The following PANK4 variants were observed in gnomAD, a reference collection of about 807,000 sequenced individuals.
The protein encoded by PANK4 is pantothenate kinase 4 (inactive).
A neutral mutation model predicts 87.9 loss-of-function variants in PANK4; 40 were observed. The observed-to-expected ratio is 0.46, with a 90% CI of 0.35 to 0.59. The LOEUF (loss-of-function observed/expected upper bound fraction) is 0.59. Among genes scored for constraint, PANK4 ranks in the 20% least tolerant of loss-of-function variants. PANK4 has a pLI of 0.00. For synonymous variants in PANK4, 524 were observed against 467.4 expected (o/e 1.12, Z -1.56); for missense variants, 926 against 1,072.3 (o/e 0.86, Z 1.90).
At position 2,520,252 on chromosome 1, in the gene PANK4, G is replaced by A; in HGVS notation, c.699+70C>T. 2.1e-6 allele frequency: 3 copies of A among 1,431,680 alleles called. No homozygotes were observed. The highest frequency in any genetic ancestry group is 2.3e-5 in the East Asian group (1 of 43,948). 88.7% of individuals were successfully genotyped at this position (1,431,680 alleles called of 1,614,324 possible). ...GAAGCAGCTTTTGCACCGCCCAGCT[G>A]CAGGCCTTCGGGGGAAGGAAGCAGA... On this transcript the variant is annotated intron_variant, in intron 5 of 18. Transcript: ENST00000378466. The surrounding 1 kb of genome is among the most constrained non-coding windows in gnomAD (Gnocchi z 6.2).
intron 9 of PANK4, 130 bp downstream of exon 9, chr1:2,518,034 G>A (rs1265589758): frequency 3.5e-6 from 2 of 567,814 alleles, no homozygotes; most frequent in South Asian, 2.3e-5. Flanking sequence ...AGGTCCATGG[G>A]AGGATTCGCC....
chr1:2,515,785 A>C lies in PANK4; in HGVS notation c.1219-68T>G. 1 of 1,426,070 alleles carries C rather than the reference A, an allele frequency of 7.0e-7. No homozygotes were observed. Among genetic ancestry groups the C allele is most frequent in the African/African-American group, 1.4e-5 (1 of 71,282 alleles). 88.3% of individuals were successfully genotyped at this position (1,426,070 alleles called of 1,614,324 possible). Reference sequence around the variant, plus strand: ...CAGAACGACCCAAGCCACACTCAGAAGCTTCCACTCTCTCTCTAAGAAGGG... The same window carrying C: ...CAGAACGACCCAAGCCACACTCAGACGCTTCCACTCTCTCTCTAAGAAGGG... On this transcript the variant is annotated intron_variant, in intron 9 of 18. Transcript: ENST00000378466. The surrounding 1 kb of genome is among the most constrained non-coding windows in gnomAD (Gnocchi z 5.0).
Position 2,509,046 on chromosome 1 carries a change from C to G in PANK4, c.2123G>C (p.Gly708Ala). Reference protein sequence around the residue: ...PCLDLSRLDKGLAALVRERGA... With the variant: ...PCLDLSRLDKALAALVRERGA... ...ACGCTCCCGCACCAGTGCGGCCAGC[C>G]CCTTATCCAGGCGGCTTTGGGGAGG... Residue 708 changes from glycine (G) to alanine (A), a missense_variant, in exon 19 of 19, where the codon GGG becomes GCG. Gly to Ala is a moderately conservative substitution (Grantham distance 60). Transcript: ENST00000378466. This position sits in a 1 kb window ranked among gnomAD's most constrained non-coding sequence, Gnocchi z 4.9. The G allele has an allele frequency of 6.3e-7, 1 of 1,598,832 alleles. No individual in the cohort carries two copies. The highest frequency in any genetic ancestry group is 8.5e-7 in the Non-Finnish European group (1 of 1,178,794).
rs138740968 is a variant in PANK4 at position 2,512,947 on chromosome 1, C to A, written c.1668G>T (p.Ala556=). ...DALGWEERQL[A]LVKGLLAGNV... ...TCCCCGCCAGGAGGCCTTTCACCAG[C>A]GCCAGCTGCCGTTCCTCCCAGCCCA... Residue 556 remains alanine, a synonymous_variant, in exon 13 of 19, where the codon GCG becomes GCT. Coordinates refer to ENST00000378466, the MANE Select transcript of PANK4 (RefSeq NM_018216.4). The A allele has an allele frequency of 6.2e-7, 1 of 1,612,674 alleles. No homozygotes were observed. Among genetic ancestry groups the A allele is most frequent in the African/African-American group, 1.3e-5 (1 of 75,060 alleles).
intron 7 of PANK4, 108 bp from the exon 8 acceptor site, chr1:2,518,705 G>C (rs776914682): frequency 1.1e-6 from 1 of 908,840 alleles, no homozygotes; most frequent in African/African-American, 1.6e-5. Context: ...CCAAACCCTC[G>C]AAGAGGCGCC....
At position 2,508,574 on chromosome 1, in the gene PANK4, C is replaced by T; in HGVS notation, c.*273G>A. 1 of 190,014 alleles carries T rather than the reference C, an allele frequency of 5.3e-6. No homozygotes were observed. Among genetic ancestry groups the T allele is most frequent in the Non-Finnish European group, 1.0e-5 (1 of 95,860 alleles). 11.8% of individuals were successfully genotyped at this position (190,014 alleles called of 1,614,324 possible). On this transcript the variant is annotated 3_prime_UTR_variant, in exon 19 of 19. Coordinates refer to ENST00000378466, the MANE Select transcript of PANK4 (RefSeq NM_018216.4). The surrounding 1 kb of genome is among the most constrained non-coding windows in gnomAD (Gnocchi z 5.1). ...CTCTATTTGGTGCGTGCCCACGGTG[C>T]TGCGTCCCGTCAGACATACCTGTAT...
At position 2,512,943 on chromosome 1, in the gene PANK4, C is replaced by T. The variant is rs770812418; in HGVS notation, c.1672G>A (p.Val558Met). Residue 558 changes from valine (V) to methionine (M), a missense_variant, in exon 13 of 19, where the codon GTG (valine) becomes ATG (methionine). Coordinates refer to ENST00000378466, the MANE Select transcript of PANK4 (RefSeq NM_018216.4). ...ACATTCCCCGCCAGGAGGCCTTTCA[C>T]CAGCGCCAGCTGCCGTTCCTCCCAG... ...LGWEERQLAL[V>M]KGLLAGNVFD... The T allele has an allele frequency of 6.2e-7, 1 of 1,612,782 alleles. No homozygotes were observed. Among genetic ancestry groups the T allele is most frequent in the South Asian group, 1.1e-5 (1 of 91,080 alleles).
chr1:2,508,604 C>G lies in PANK4; in HGVS notation c.*243G>C. ...TCCCGTCAGACATACCTGTATAGATCTCTCTATTTATATATATATATATAT... is the reference window on the plus strand; with the variant it reads ...TCCCGTCAGACATACCTGTATAGATGTCTCTATTTATATATATATATATAT... On this transcript the variant is annotated 3_prime_UTR_variant, in exon 19 of 19. Transcript: ENST00000378466. This position sits in a 1 kb window ranked among gnomAD's most constrained non-coding sequence, Gnocchi z 5.1. 1 of 220,666 alleles carries G rather than the reference C, an allele frequency of 4.5e-6. No homozygotes were observed. Among genetic ancestry groups the G allele is most frequent in the Non-Finnish European group, 8.0e-6 (1 of 125,560 alleles). The allele number at this position is 220,666 out of a possible 1,614,324, so 13.7% of individuals were successfully genotyped here.
Position 2,508,784 on chromosome 1 carries a change from C to T in PANK4, c.*63G>A, listed in dbSNP as rs1276437532. On this transcript the variant is annotated 3_prime_UTR_variant, in exon 19 of 19. Transcript: ENST00000378466. This position sits in a 1 kb window ranked among gnomAD's most constrained non-coding sequence, Gnocchi z 5.1. ...ATACGTTGATTTGAACGCAGTTTCC[C>T]TGTGGTGGTAAAAACACATTCCTGA... 4 of 994,774 alleles carry T rather than the reference C, an allele frequency of 4.0e-6. No individual in the cohort carries two copies. Among genetic ancestry groups the T allele is most frequent in the Non-Finnish European group, 6.2e-6 (4 of 642,748 alleles). The allele number at this position is 994,774 out of a possible 1,614,324, so 61.6% of individuals were successfully genotyped here. A position where few individuals can be genotyped will look rare whatever the true frequency, so the allele number is the denominator to read the frequency against.
Position 2,510,707 on chromosome 1 carries a change from C to T in PANK4, c.1909G>A (p.Val637Ile). The T allele has an allele frequency of 6.2e-7, 1 of 1,609,080 alleles. No homozygotes were observed. The highest frequency in any genetic ancestry group is 1.7e-5 in the Admixed American group (1 of 60,004). Residue 637 changes from valine (V) to isoleucine (I), a missense_variant, in exon 16 of 19, where the codon GTC (valine) becomes ATC (isoleucine). Val to Ile is a conservative substitution (Grantham distance 29). Coordinates refer to ENST00000378466, the MANE Select transcript of PANK4 (RefSeq NM_018216.4). The surrounding 1 kb of genome is among the most constrained non-coding windows in gnomAD (Gnocchi z 4.9). ...IDIILGVFPF[V>I]RELLLRGTEV... The stretch of plus-strand genomic sequence containing the variant: ...GTCCCTCTAAGGAGTAGCTCCCTGA[C>T]AAAGGGGAAGACTCCCAAAATGATG...
intron 1 of PANK4, among the ~76,000 whole-genome samples, chr1:2,524,363 T>C (rs1403400644): frequency 1.3e-5 from 2 of 152,144 alleles, no homozygotes; most frequent in Non-Finnish European, 2.9e-5. Flanking sequence ...GCTTTGAGGG[T>C]TCCTGGGTTG....
rs1342155995 is a variant in PANK4, at chr1:2,512,938, T to G, written c.1677A>C (p.Lys559Asn). ...CGAAGACATTCCCCGCCAGGAGGCC[T>G]TTCACCAGCGCCAGCTGCCGTTCCT... is the stretch of plus-strand genomic sequence containing the variant. ...GWEERQLALVKGLLAGNVFDW... is the reference protein window; with the variant it reads ...GWEERQLALVNGLLAGNVFDW... Residue 559 changes from lysine (K) to asparagine (N), a missense_variant, in exon 13 of 19, where the codon AAA becomes AAC. By Grantham distance (94) the Lys-to-Asn change is moderately conservative. Transcript: ENST00000378466. 1 of 1,612,712 alleles carries G rather than the reference T, an allele frequency of 6.2e-7. No homozygotes were observed. Among genetic ancestry groups the G allele is most frequent in the East Asian group, 2.2e-5 (1 of 44,876 alleles).
At chr1:2,516,201 T>C (rs1643772793) in intron 9 of PANK4, among the ~76,000 whole-genome samples, 1 of 152,106 alleles carries the variant, frequency 6.6e-6, no homozygotes, top group Admixed American at 6.5e-5. Context: ...CTGTCCTCAC[T>C]AAGCACCAGG....
intron 1 of PANK4, 52 bp from the exon 2 acceptor site, chr1:2,521,852 C>T (rs750215962): frequency 3.5e-6 from 5 of 1,421,898 alleles, no homozygotes; most frequent in Admixed American, 1.7e-5. Flanking sequence ...CACAGCGGGG[C>T]CTGGGGGTCC....
Position 2,514,011 on chromosome 1 carries a change from G to A in PANK4, c.1566C>T (p.Pro522=). 2 of 1,611,268 alleles carry A rather than the reference G, an allele frequency of 1.2e-6. No homozygotes were observed. The highest frequency in any genetic ancestry group is 1.1e-5 in the South Asian group (1 of 91,050). ...HCLNEFNFPD[P]YSKVKQRENG... is the part of the protein sequence containing the mutation. ...GGCACACTGCACTTACTTTGGAGTA[G>A]GGATCCGGGAAGTTGAACTCGTTCA... Residue 522 remains proline (P), a synonymous_variant, in exon 12 of 19, where the codon CCC becomes CCT. Coordinates refer to ENST00000378466, the MANE Select transcript of PANK4 (RefSeq NM_018216.4).
In PANK4 at chr1:2,515,664, G is replaced by A. The variant is rs951038391; in HGVS notation, c.1272C>T (p.Leu424=). Residue 424 remains leucine (L), a synonymous_variant, in exon 10 of 19, where the codon CTC becomes CTT. Coordinates refer to ENST00000378466, the MANE Select transcript of PANK4 (RefSeq NM_018216.4). This position sits in a 1 kb window ranked among gnomAD's most constrained non-coding sequence, Gnocchi z 5.0. The stretch of plus-strand genomic sequence containing the variant: ...GCACGTAGGAGGGCGGGTCCAGGAG[G>A]AGCGGCAGGTCAACCAGTGGCCTCT... ...RLERPLVDLP[L]LLDPPSYVPD... 6.2e-7 allele frequency: 1 copy of A among 1,612,882 alleles called. No individual in the cohort carries two copies.
Position 2,510,932 on chromosome 1 carries a change from G to A in PANK4, c.1834-150C>T. ...GCCAGGGATGGGCTGTCCTGCAGGG[G>A]CCGAGACCAGGGGCTTCAGGGCCCC... is the stretch of plus-strand genomic sequence containing the variant. On this transcript the variant is annotated intron_variant, in intron 15 of 18. Transcript: ENST00000378466. The surrounding 1 kb of genome is among the most constrained non-coding windows in gnomAD (Gnocchi z 4.9). The A allele has an allele frequency of 1.6e-6, 1 of 617,264 alleles. No homozygotes were observed. 38.2% of individuals were successfully genotyped at this position (617,264 alleles called of 1,614,324 possible).
At chr1:2,521,418 A>C in intron 2 of PANK4, 103 bp from the exon 3 acceptor site, 1 of 977,946 alleles carries the variant, frequency 1.0e-6, no homozygotes, top group African/African-American at 1.6e-5. Flanking sequence ...GCCAGCCTTC[A>C]ACCAGGCGGC....
Position 2,526,499 on chromosome 1 carries a change from T to C in PANK4, c.89A>G (p.Asn30Ser). ...GGCGAAGCGCTTGGCGTTCTCCAGGTTGCGGAAGATCTCGTCGGGGGGCAG... is the reference window on the plus strand; with the variant it reads ...GGCGAAGCGCTTGGCGTTCTCCAGGCTGCGGAAGATCTCGTCGGGGGGCAG... Reference protein sequence around the residue: ...ITLPPDEIFRNLENAKRFAID... With the variant: ...ITLPPDEIFRSLENAKRFAID... Residue 30 changes from asparagine to serine, a missense_variant, in exon 1 of 19, where the codon AAC (asparagine) becomes AGC (serine). Physicochemically the swap from Asn to Ser is conservative, Grantham distance 46 (BLOSUM62 1). Transcript: ENST00000378466. The C allele has an allele frequency of 6.3e-7, 1 of 1,582,794 alleles. No individual in the cohort carries two copies. Among genetic ancestry groups the C allele is most frequent in the South Asian group, 1.1e-5 (1 of 88,160 alleles).
Sources: allele counts gnomAD v4.1 joint callset (sites outside exome capture counted in the v4.1 genomes callset), GRCh38; gene constraint gnomAD v4.1.1; non-coding constraint Gnocchi (gnomAD v3.1); transcripts MANE v1.5; gene names NCBI Gene and HGNC (gene_info 2026-07-23, HGNC 2026-07-21).